The following ACYP2 variants were observed in gnomAD, a reference collection of about 807,000 sequenced individuals.
ACYP2 encodes acylphosphatase 2, also known as acylphosphatase-2.
A neutral mutation model predicts 11.2 loss-of-function variants in ACYP2; 12 were observed. The observed-to-expected ratio is 1.08, with a 90% CI of 0.69 to 1.74. The LOEUF (loss-of-function observed/expected upper bound fraction) is 1.74, where lower values mean the gene tolerates loss of function less well. ACYP2 is among the 40% of genes most tolerant of loss of function. The pLI, the probability that ACYP2 is intolerant of heterozygous loss-of-function variation, is 0.00. For synonymous variants in ACYP2, 43 were observed against 32.2 expected, an observed-to-expected ratio of 1.33 and a Z score of -1.13; for missense variants, 134 against 101.9, an observed-to-expected ratio of 1.31 and a Z score of -1.35.
intron 6 of ACYP2, among the ~76,000 whole-genome samples, chr2:54,260,893 G>C (rs559134346): frequency 6.6e-6 from 1 of 152,218 alleles, no homozygotes; most frequent in South Asian, 2.1e-4. Context: ...AAAAACATGA[G>C]AAATGAGAGG....
chr2:54,013,271 G>C lies in ACYP2; in HGVS notation c.63-37687G>C, dbSNP rs1433817122. Among the ~76,000 whole-genome samples the C allele has an allele frequency of 1.8e-4, 23 of 124,496 alleles. 1 individual carries two copies. Among genetic ancestry groups the C allele is most frequent in the African/African-American group, 8.2e-4 (21 of 25,706 alleles). 81.7% of individuals were successfully genotyped at this position (124,496 alleles called of 152,430 possible). On this transcript the variant is annotated intron_variant, in intron 2 of 6. Coordinates refer to ENST00000607452, the MANE Select transcript of ACYP2 (RefSeq NM_001320586.2). Reference sequence around the variant, plus strand: ...CCATCTAATATGTGTGTGTGTGTGTGTGTGTGTGTGTGTGTGTGTGTGTGT... The same window carrying C: ...CCATCTAATATGTGTGTGTGTGTGTCTGTGTGTGTGTGTGTGTGTGTGTGT...
chr2:53,991,484 C>T (rs1048123886), intron 2 of ACYP2, among the ~76,000 whole-genome samples: 1 of 151,676 alleles, frequency 6.6e-6, no homozygotes, highest in African/African-American at 2.4e-5. Flanking sequence ...TGGCTCACTG[C>T]AACCTCTGCC....
At chr2:54,055,894 T>C (rs896129621) in intron 3 of ACYP2, among the ~76,000 whole-genome samples, 6 of 152,198 alleles carry the variant, frequency 3.9e-5, no homozygotes, top group African/African-American at 1.4e-4. Flanking sequence ...TAATGTGTAG[T>C]ACTGTCAGAT....
intron 6 of ACYP2, among the ~76,000 whole-genome samples, chr2:54,258,063 C>T (rs1687632768): frequency 1.3e-5 from 2 of 152,158 alleles, no homozygotes; most frequent in Non-Finnish European, 2.9e-5. Flanking sequence ...CTCTTATAGG[C>T]CCTCTGGATA....
intron 3 of ACYP2, chr2:54,051,564 C>G (rs1675868542): frequency 1.3e-6 from 1 of 743,280 alleles, no homozygotes; most frequent in Admixed American, 1.8e-5. Flanking sequence ...CTTGGCCTGT[C>G]CATTGGTGAT....
At chr2:54,001,244 C>G (rs1573487391) in intron 2 of ACYP2, among the ~76,000 whole-genome samples, 1 of 152,104 alleles carries the variant, frequency 6.6e-6, no homozygotes, top group East Asian at 1.9e-4. Context: ...CATAGTAGTC[C>G]TAGCCACTTG....
chr2:54,073,369 A>G (rs1572694865), intron 4 of ACYP2, among the ~76,000 whole-genome samples: 1 of 152,096 alleles, frequency 6.6e-6, no homozygotes, highest in African/African-American at 2.4e-5. Context: ...TAAGGAAAAA[A>G]AAAAAATTAA....
chr2:54,215,923 C>A (rs1223057469), intron 6 of ACYP2, among the ~76,000 whole-genome samples: 1 of 152,148 alleles, frequency 6.6e-6, no homozygotes, highest in Non-Finnish European at 1.5e-5. Context: ...ATTTACATTT[C>A]TGTGAGTCCA....
At position 54,255,131 on chromosome 2, in the gene ACYP2, G is replaced by A. The variant is rs375090649; in HGVS notation, c.405-49557G>A. 78 of 1,614,078 alleles carry A rather than the reference G, an allele frequency of 4.8e-5. No individual in the cohort carries two copies. Among genetic ancestry groups the A allele is most frequent in the Non-Finnish European group, 6.4e-5 (75 of 1,180,050 alleles). ...CTGCAGATGACATGTCGGTTCCTAT[G>A]AATGAAGGACTGGGGTCCATGGCCC... On this transcript the variant is annotated intron_variant, in intron 6 of 6. Coordinates refer to ENST00000607452, the MANE Select transcript of ACYP2 (RefSeq NM_001320586.2).
intron 2 of ACYP2, among the ~76,000 whole-genome samples, chr2:54,024,113 C>T (rs1340273286): frequency 1.3e-5 from 2 of 152,174 alleles, no homozygotes; most frequent in African/African-American, 4.8e-5. Context: ...GTGGCTCATG[C>T]CTGTAATCCC....
At chr2:54,123,399 C>G (rs910372389) in intron 4 of ACYP2, 2 of 398,560 alleles carry the variant, frequency 5.0e-6, no homozygotes, top group Non-Finnish European at 8.8e-6. Flanking sequence ...TGCCCTTGTT[C>G]TACAAATAGA....
chr2:54,061,881 C>T (rs1000946916), intron 4 of ACYP2, among the ~76,000 whole-genome samples: 1 of 152,112 alleles, frequency 6.6e-6, no homozygotes, highest in Non-Finnish European at 1.5e-5. Flanking sequence ...TGTGACTACC[C>T]TAGGCAACGT....
At chr2:54,019,461 C>A (rs1046240184) in intron 2 of ACYP2, among the ~76,000 whole-genome samples, 10 of 151,808 alleles carry the variant, frequency 6.6e-5, no homozygotes, top group Admixed American at 6.6e-4. Flanking sequence ...ATTGCAACCT[C>A]GACCTCCTGG....
At chr2:54,058,867 G>T (rs982595778) in intron 4 of ACYP2, among the ~76,000 whole-genome samples, 1 of 152,150 alleles carries the variant, frequency 6.6e-6, no homozygotes. Context: ...TGGGAGGAGG[G>T]ATGTTTATCT....
chr2:54,276,300 C>T (rs1428798441), intron 6 of ACYP2, among the ~76,000 whole-genome samples: 1 of 152,094 alleles, frequency 6.6e-6, no homozygotes, highest in African/African-American at 2.4e-5. Context: ...TCTGGTGTCT[C>T]CATGTTGTTA....
chr2:54,191,538 C>A (rs1461342915), intron 6 of ACYP2, among the ~76,000 whole-genome samples: 1 of 152,086 alleles, frequency 6.6e-6, no homozygotes, highest in African/African-American at 2.4e-5. Context: ...AGTTAATTAA[C>A]CTTTCTGAGC....
intron 6 of ACYP2, among the ~76,000 whole-genome samples, chr2:54,302,488 GA>G (rs1403262289): frequency 6.6e-6 from 1 of 152,054 alleles, no homozygotes; most frequent in Non-Finnish European, 1.5e-5. Context: ...TCACATTGGA[GA>G]ACCCCCAAAG....
intron 2 of ACYP2, among the ~76,000 whole-genome samples, chr2:54,026,433 A>G (rs1001907657): frequency 6.6e-6 from 1 of 152,242 alleles, no homozygotes; most frequent in Non-Finnish European, 1.5e-5. Context: ...AATGTGGTGA[A>G]AAGGGAACAC....
Position 54,051,691 on chromosome 2 carries a change from G to A in ACYP2, c.155+641G>A, listed in dbSNP as rs1675874987. On this transcript the variant is annotated intron_variant, in intron 3 of 6. Transcript: ENST00000607452. Reference sequence around the variant, plus strand: ...ATGAAAGGATATTGCTGCATATTGAGCTAAAGGAAAGCCTGATGCAGCAAA... The same window carrying A: ...ATGAAAGGATATTGCTGCATATTGAACTAAAGGAAAGCCTGATGCAGCAAA... 9 of 650,576 alleles carry A rather than the reference G, an allele frequency of 1.4e-5. No individual in the cohort carries two copies. The East Asian group carries it at 2.7e-4, about 19-fold the overall frequency. The allele number at this position is 650,576 out of a possible 1,614,324, so 40.3% of individuals were successfully genotyped here.
Sources: gnomAD v4.1 joint callset for allele counts (sites outside exome capture counted in the v4.1 genomes callset) on GRCh38, gnomAD v4.1.1 for gene constraint, MANE v1.5 for transcripts, NCBI Gene and HGNC (gene_info 2026-07-23, HGNC 2026-07-21) for gene names.